Variants in LRFN2 observed in about 807,000 individuals in gnomAD.
The protein encoded by LRFN2 is leucine rich repeat and fibronectin type III domain containing 2, also known as leucine-rich repeat and fibronectin type-III domain-containing protein 2.
LRFN2 carries 18 observed loss-of-function variants against 37.3 expected under a neutral mutation model. That is an observed-to-expected ratio of 0.48 (90% confidence interval 0.33 to 0.72). LRFN2 has a LOEUF of 0.72. Ranked by LOEUF, LRFN2 falls within the 30% of genes least tolerant of loss-of-function variation. The pLI is 0.02. For missense variants in LRFN2, 1,006 were observed against 1,060.7 expected (o/e 0.95, Z 0.72); for synonymous variants, 556 against 466.6 (o/e 1.19, Z -2.47).
intron 1 of LRFN2, among the ~76,000 whole-genome samples, chr6:40,581,505 C>T (rs1389790905): frequency 6.6e-6 from 1 of 152,226 alleles, no homozygotes; most frequent in African/African-American, 2.4e-5. Context: ...GGACCTCTAA[C>T]CTCTCACCTC....
chr6:40,444,901 G>A (rs992453714), intron 1 of LRFN2, among the ~76,000 whole-genome samples: 2 of 121,408 alleles, frequency 1.6e-5, no homozygotes, highest in Non-Finnish European at 3.8e-5. Flanking sequence ...TCTTCTTCAT[G>A]ATTTTTTTTT....
At chr6:40,575,171 C>T (rs1383540646) in intron 1 of LRFN2, among the ~76,000 whole-genome samples, 2 of 151,986 alleles carry the variant, frequency 1.3e-5, no homozygotes, top group Admixed American at 6.5e-5. Context: ...GTGGGCAGCA[C>T]GCAGCAGGGC....
At chr6:40,410,057 C>CTATA (rs1762932449) in intron 2 of LRFN2, among the ~76,000 whole-genome samples, 1 of 152,130 alleles carries the variant, frequency 6.6e-6, no homozygotes, top group Admixed American at 6.5e-5. Flanking sequence ...GAGTGACGAC[C>CTATA]TATAGCAGGA....
intron 1 of LRFN2, among the ~76,000 whole-genome samples, chr6:40,504,363 G>T (rs989043450): frequency 3.3e-5 from 5 of 152,158 alleles, no homozygotes; most frequent in African/African-American, 9.7e-5. Context: ...ATCACAGGAC[G>T]ATCTTAAACA....
chr6:40,457,840 T>C (rs546202099), intron 1 of LRFN2, among the ~76,000 whole-genome samples: 1 of 152,200 alleles, frequency 6.6e-6, no homozygotes, highest in Admixed American at 6.5e-5. Flanking sequence ...TGTGACTGCA[T>C]TTGGCCAATG....
At chr6:40,455,146 G>C (rs1050337284) in intron 1 of LRFN2, among the ~76,000 whole-genome samples, 1 of 152,158 alleles carries the variant, frequency 6.6e-6, no homozygotes, top group Non-Finnish European at 1.5e-5. Context: ...CCTCTTGACT[G>C]TTTCCCTTCC....
At chr6:40,473,169 T>C (rs1020180822) in intron 1 of LRFN2, among the ~76,000 whole-genome samples, 20 of 152,118 alleles carry the variant, frequency 1.3e-4, no homozygotes, top group Non-Finnish European at 2.5e-4. Context: ...CCCACTCTAC[T>C]GGATGGCAGC....
At chr6:40,428,829 T>G (rs546727884) in intron 2 of LRFN2, among the ~76,000 whole-genome samples, 23 of 152,316 alleles carry the variant, frequency 1.5e-4, no homozygotes, top group Admixed American at 5.9e-4. Context: ...ACGCTTACTT[T>G]TTTCTCAAAA....
intron 1 of LRFN2, among the ~76,000 whole-genome samples, chr6:40,499,878 C>T (rs1384147375): frequency 6.6e-6 from 1 of 152,214 alleles, no homozygotes; most frequent in Non-Finnish European, 1.5e-5. Context: ...TTCTGTGCCT[C>T]AGTTTTCTCA....
At chr6:40,516,158 T>C (rs1485039183) in intron 1 of LRFN2, among the ~76,000 whole-genome samples, 1 of 152,136 alleles carries the variant, frequency 6.6e-6, no homozygotes, top group Non-Finnish European at 1.5e-5. Flanking sequence ...TCTCAGAGCC[T>C]GCTTCTAGGG....
chr6:40,462,414 T>A (rs934708211), intron 1 of LRFN2, among the ~76,000 whole-genome samples: 3 of 152,136 alleles, frequency 2.0e-5, no homozygotes, highest in African/African-American at 7.2e-5. Context: ...ATGGACTCCA[T>A]TCTGGGAAAC....
chr6:40,463,130 G>T (rs1000383454), intron 1 of LRFN2, among the ~76,000 whole-genome samples: 1 of 152,208 alleles, frequency 6.6e-6, no homozygotes, highest in Non-Finnish European at 1.5e-5. Context: ...TGAAAGACAT[G>T]CAGGGTAATA....
At chr6:40,462,224 C>A (rs1764363030) in intron 1 of LRFN2, among the ~76,000 whole-genome samples, 1 of 152,172 alleles carries the variant, frequency 6.6e-6, no homozygotes, top group Non-Finnish European at 1.5e-5. Flanking sequence ...CCGTTCTTAA[C>A]CCTGGCTTGG....
chr6:40,459,195 C>A (rs1189634712), intron 1 of LRFN2, among the ~76,000 whole-genome samples: 1 of 152,162 alleles, frequency 6.6e-6, no homozygotes, highest in Non-Finnish European at 1.5e-5. Context: ...CTGAAGGGTG[C>A]CCTTTGGGTC....
chr6:40,422,645 T>A (rs938809401), intron 2 of LRFN2, among the ~76,000 whole-genome samples: 6 of 152,092 alleles, frequency 3.9e-5, no homozygotes, highest in Non-Finnish European at 8.8e-5. Flanking sequence ...AGTTCAGTTG[T>A]GAGATAAGTG....
intron 1 of LRFN2, among the ~76,000 whole-genome samples, chr6:40,523,006 GC>G (rs1766131224): frequency 6.6e-6 from 1 of 152,210 alleles, no homozygotes; most frequent in African/African-American, 2.4e-5. Flanking sequence ...TAGCAAATCT[GC>G]CATCAGAATG....
intron 2 of LRFN2, among the ~76,000 whole-genome samples, chr6:40,416,352 G>A (rs569802175): frequency 7.1e-6 from 1 of 141,664 alleles, no homozygotes; most frequent in Non-Finnish European, 1.5e-5. Flanking sequence ...ACAGTGGTGG[G>A]GGCTTTCTTG....
chr6:40,443,202 T>C (rs1292872215), intron 1 of LRFN2, among the ~76,000 whole-genome samples: 1 of 152,182 alleles, frequency 6.6e-6, no homozygotes, highest in African/African-American at 2.4e-5. Flanking sequence ...AATCCTCACC[T>C]GTTGGCCAAC....
chr6:40,488,193 AG>A (rs986989987), intron 1 of LRFN2, among the ~76,000 whole-genome samples: 4 of 152,156 alleles, frequency 2.6e-5, no homozygotes. Flanking sequence ...GAAATAAACA[AG>A]GAGAGCACCT....
Sources: gnomAD v4.1 joint callset for allele counts (sites outside exome capture counted in the v4.1 genomes callset) on GRCh38, gnomAD v4.1.1 for gene constraint, MANE v1.5 for transcripts, NCBI Gene and HGNC (gene_info 2026-07-23, HGNC 2026-07-21) for gene names.